The following LRP12 variants were observed in gnomAD, a reference collection of about 807,000 sequenced individuals.
LRP12 encodes the protein LDL receptor related protein 12, also known as low-density lipoprotein receptor-related protein 12.
A neutral mutation model predicts 66.0 loss-of-function variants in LRP12; 14 were observed. The ratio of observed to expected loss-of-function variants is 0.21; its 90% CI spans 0.14 to 0.33. The LOEUF (loss-of-function observed/expected upper bound fraction) is 0.33, where lower values mean the gene tolerates loss of function less well. LRP12 is among the 10% of genes least tolerant of loss of function. The pLI is 1.00. For synonymous variants in LRP12, 357 were observed against 359.1 expected, an observed-to-expected ratio of 0.99 and a Z score of 0.07; for missense variants, 889 against 1,053.4, an observed-to-expected ratio of 0.84 and a Z score of 2.16.
intron 1 of LRP12, among the ~76,000 whole-genome samples, chr8:104,554,771 A>C (rs1025280862): frequency 2.0e-5 from 3 of 152,200 alleles, no homozygotes; most frequent in South Asian, 4.1e-4. Flanking sequence ...CAAAGCTCAA[A>C]GAACACTCAG....
intron 3 of LRP12, among the ~76,000 whole-genome samples, chr8:104,500,291 A>G (rs144119268): frequency 6.6e-5 from 10 of 152,360 alleles, no homozygotes; most frequent in African/African-American, 2.2e-4. Flanking sequence ...ACTAAGTGAT[A>G]ATAAAGTTAA....
intron 1 of LRP12, among the ~76,000 whole-genome samples, chr8:104,572,456 AAAAT>A (rs1265573635): frequency 6.6e-6 from 1 of 152,198 alleles, no homozygotes; most frequent in African/African-American, 2.4e-5. Flanking sequence ...AAAAATCAAC[AAAAT>A]AAAGAAATAG....
intron 2 of LRP12, among the ~76,000 whole-genome samples, chr8:104,531,072 G>A (rs940591497): frequency 6.6e-6 from 1 of 151,994 alleles, no homozygotes; most frequent in African/African-American, 2.4e-5. Context: ...CAAAAGAACA[G>A]GATTTGCTTC....
At chr8:104,548,031 AAT>A (rs1192212956) in intron 1 of LRP12, among the ~76,000 whole-genome samples, 1 of 111,134 alleles carries the variant, frequency 9.0e-6, no homozygotes, top group Non-Finnish European at 1.7e-5. Context: ...TTTTGTATAT[AAT>A]ATATAATTCT....
chr8:104,557,168 A>C (rs934119397), intron 1 of LRP12, among the ~76,000 whole-genome samples: 1 of 152,170 alleles, frequency 6.6e-6, no homozygotes, highest in Non-Finnish European at 1.5e-5. Flanking sequence ...CTGAACGGGG[A>C]AAGTTGAAAG....
intron 1 of LRP12, among the ~76,000 whole-genome samples, chr8:104,552,363 CT>C (rs1554710250): frequency 4.0e-5 from 6 of 149,540 alleles, no homozygotes; most frequent in African/African-American, 1.2e-4. Context: ...ATAAATATGT[CT>C]TTTTTTTGTT....
intron 1 of LRP12, among the ~76,000 whole-genome samples, chr8:104,584,362 T>C (rs1812298653): frequency 6.6e-6 from 1 of 151,846 alleles, no homozygotes; most frequent in African/African-American, 2.4e-5. Context: ...ACCCCTTAAA[T>C]TGTGGTATCA....
At chr8:104,560,876 T>C (rs1275029779) in intron 1 of LRP12, among the ~76,000 whole-genome samples, 1 of 152,188 alleles carries the variant, frequency 6.6e-6, no homozygotes, top group Non-Finnish European at 1.5e-5. Context: ...TACTCCCTCA[T>C]TTTCCATACC....
intron 6 of LRP12, among the ~76,000 whole-genome samples, chr8:104,493,787 T>C (rs889776231): frequency 6.6e-6 from 1 of 152,186 alleles, no homozygotes; most frequent in African/African-American, 2.4e-5. Context: ...TCCATGCATA[T>C]TGTCACATAT....
At chr8:104,588,078 C>T (rs1338944726) in intron 1 of LRP12, among the ~76,000 whole-genome samples, 1 of 152,208 alleles carries the variant, frequency 6.6e-6, no homozygotes, top group Non-Finnish European at 1.5e-5. Flanking sequence ...TATCTCTAAC[C>T]CGATCCATCG....
intron 1 of LRP12, among the ~76,000 whole-genome samples, chr8:104,563,326 G>T (rs1811944705): frequency 6.6e-6 from 1 of 151,950 alleles, no homozygotes; most frequent in African/African-American, 2.4e-5. Context: ...GGTACATATT[G>T]TCTCCAGTTT....
At chr8:104,564,072 T>C (rs1811956824) in intron 1 of LRP12, among the ~76,000 whole-genome samples, 1 of 152,220 alleles carries the variant, frequency 6.6e-6, no homozygotes, top group Non-Finnish European at 1.5e-5. Context: ...TCAGATACTA[T>C]ACTATATTGT....
intron 1 of LRP12, among the ~76,000 whole-genome samples, chr8:104,565,576 CA>C (rs149534068): frequency 0.031 from 4,640 of 151,948 alleles, 236 homozygotes; most frequent in African/African-American, 0.11. Flanking sequence ...ATATACAACC[CA>C]GGCCGGGCGC....
chr8:104,527,068 G>GA (rs1190743013), intron 2 of LRP12, among the ~76,000 whole-genome samples: 3 of 150,696 alleles, frequency 2.0e-5, no homozygotes, highest in Middle Eastern at 3.4e-3. Flanking sequence ...GCAGCCAAAA[G>GA]ACACATGAAA....
chr8:104,545,642 G>A (rs567899462), intron 1 of LRP12, among the ~76,000 whole-genome samples: 3 of 152,166 alleles, frequency 2.0e-5, no homozygotes, highest in African/African-American at 2.4e-5. Flanking sequence ...GAATTTCGAA[G>A]CAATAAAATA....
In LRP12 at chr8:104,530,616, A is replaced by G. The variant is rs563697618; in HGVS notation, c.136+1291T>C. On this transcript the variant is annotated intron_variant, in intron 2 of 6. Transcript: ENST00000276654. ...ATCCACAGTAGTATTTTGTTGCAGC[A>G]GCACACGTAGACTAAAACAGGCCTC... is the stretch of plus-strand genomic sequence containing the variant. Among the ~76,000 whole-genome samples the G allele has an allele frequency of 2.0e-5, 3 of 152,322 alleles. No individual in the cohort carries two copies. The East Asian group carries it at 5.8e-4, about 29-fold the overall frequency.
At position 104,521,746 on chromosome 8, in the gene LRP12, A is replaced by G. The variant is rs1034825232; in HGVS notation, c.136+10161T>C. On this transcript the variant is annotated intron_variant, in intron 2 of 6. Transcript: ENST00000276654. ...ATCCTAAAAACCCTAATGTATTAAT[A>G]ATCAACTAAAATGTAATAAGGCTTC... Among the ~76,000 whole-genome samples, 4 of 151,964 alleles carry G rather than the reference A, an allele frequency of 2.6e-5. No individual in the cohort carries two copies. The South Asian group carries it at 8.3e-4, about 32-fold the overall frequency.
chr8:104,501,341 A>G lies in LRP12; in HGVS notation c.273-1822T>C, dbSNP rs116854977. Among the ~76,000 whole-genome samples the G allele has an allele frequency of 1.4e-4, 21 of 152,072 alleles. No individual in the cohort carries two copies. The East Asian group carries it at 2.9e-3, about 21-fold the overall frequency. ...TTTCATGTGATTATTGGCCATTTTTATATCTTCTGTGAAGTATCTGTTCAT... is the reference window on the plus strand; with the variant it reads ...TTTCATGTGATTATTGGCCATTTTTGTATCTTCTGTGAAGTATCTGTTCAT... On this transcript the variant is annotated intron_variant, in intron 3 of 6. Transcript: ENST00000276654.
At chr8:104,532,395 T>C (rs1406232017) in intron 1 of LRP12, among the ~76,000 whole-genome samples, 1 of 151,914 alleles carries the variant, frequency 6.6e-6, no homozygotes, top group Non-Finnish European at 1.5e-5. Flanking sequence ...AAAAAAGTCT[T>C]GCATTGTCTT....
Sources: allele counts gnomAD v4.1 joint callset (sites outside exome capture counted in the v4.1 genomes callset), GRCh38; gene constraint gnomAD v4.1.1; transcripts MANE v1.5; gene names NCBI Gene and HGNC (gene_info 2026-07-23, HGNC 2026-07-21).